The following SET variants were observed in gnomAD, a reference collection of about 807,000 sequenced individuals.
The protein encoded by SET is SET nuclear proto-oncogene.
Under a neutral mutation model 39.0 loss-of-function variants are expected in SET, and 4 were observed. The ratio of observed to expected loss-of-function variants is 0.10; its 90% confidence interval spans 0.05 to 0.23. The LOEUF (loss-of-function observed/expected upper bound fraction) is 0.23. Ranked by LOEUF, SET falls within the 10% of genes least tolerant of loss-of-function variation. The pLI is 1.00. For synonymous variants in SET, 114 were observed against 115.9 expected, an observed-to-expected ratio of 0.98 and a Z score of 0.11; for missense variants, 137 against 329.7, an observed-to-expected ratio of 0.42 and a Z score of 4.53.
rs745801658 is a variant in SET, at chr9:128,684,057, T to C, written c.112+50T>C. On this transcript the variant is annotated intron_variant, in intron 1 of 7. Coordinates refer to the SET transcript ENST00000372692. ...TGGAGATTTAAGGGATTTGCAAGGA[T>C]TGACTCTCTGATTTTTACCCCCCAA... 3 of 1,419,730 alleles carry C rather than the reference T, an allele frequency of 2.1e-6. No individual in the cohort carries two copies. In the Admixed American group the frequency reaches 6.0e-5, roughly 28 times the overall value. 87.9% of individuals were successfully genotyped at this position (1,419,730 alleles called of 1,614,324 possible).
At chr9:128,690,375 C>A (rs1268552405) in intron 1 of SET, 1 of 152,554 alleles carries the variant, frequency 6.6e-6, no homozygotes, top group East Asian at 1.9e-4. Flanking sequence ...GCTGCCAATC[C>A]GGGATGGTTA....
At position 128,695,023 on chromosome 9, in the gene SET, T is replaced by TA. The variant is rs1371126476; in HGVS notation, c.*360dup. The TA allele has an allele frequency of 4.1e-6, 1 of 242,508 alleles. No individual in the cohort carries two copies. The highest frequency in any genetic ancestry group is 8.0e-6 in the Non-Finnish European group (1 of 124,634). 15.0% of individuals were successfully genotyped at this position (242,508 alleles called of 1,614,324 possible). ...TGCTAGGCCCCTGTGTAGTAGTGCA[T>TA]AGAATTCTAGCTTTTTTCCTCCTTT... On this transcript the variant is annotated 3_prime_UTR_variant, in exon 8 of 8. Coordinates refer to ENST00000322030, the MANE Select transcript of SET (RefSeq NM_003011.4).
At position 128,693,986 on chromosome 9, in the gene SET, G is replaced by A. The variant is rs1236803513; in HGVS notation, c.754G>A (p.Gly252Arg). 2 of 1,558,684 alleles carry A rather than the reference G, an allele frequency of 1.3e-6. No homozygotes were observed. The highest frequency in any genetic ancestry group is 3.5e-5 in the Admixed American group (2 of 57,692). Residue 252 changes from glycine to arginine, a missense_variant, in exon 7 of 8, where the codon GGG becomes AGG. By Grantham distance (125) the Gly-to-Arg change is moderately radical (BLOSUM62 -2). Around this residue, in one of 3 missense-constraint regions of SET, gnomAD observed 44 missense variants for 63.0 expected, o/e 0.70. Coordinates refer to ENST00000322030, the MANE Select transcript of SET (RefSeq NM_003011.4). Reference sequence around the variant, plus strand: ...AGGATTAGAAGATATTGACGAAGAAGGGGATGAGGATGAAGGTGAAGAAGA... The same window carrying A: ...AGGATTAGAAGATATTGACGAAGAAAGGGATGAGGATGAAGGTGAAGAAGA... The part of the protein sequence containing the change: ...EEGLEDIDEE[G>R]DEDEGEEDED...
chr9:128,692,131 AAT>A, intron 3 of SET, 131 bp downstream of exon 3: 7 of 1,095,818 alleles, frequency 6.4e-6, no homozygotes, highest in Non-Finnish European at 9.2e-6. Context: ...GCGCACCTGT[AAT>A]CCCAGCACTT....
chr9:128,694,243 T>TGGGG (rs1564362340), intron 7 of SET, among the ~76,000 whole-genome samples: 18 of 151,720 alleles, frequency 1.2e-4, no homozygotes, highest in Middle Eastern at 3.4e-3. Flanking sequence ...TTTTTGGTTT[T>TGGGG]TTTTTGGGTT....
rs1861420107 is a variant in SET at position 128,689,521 on chromosome 9, C to A, written c.-62C>A. On this transcript the variant is annotated 5_prime_UTR_variant, in exon 1 of 8. Coordinates refer to ENST00000322030, the MANE Select transcript of SET (RefSeq NM_003011.4). Reference sequence around the variant, plus strand: ...GTGGCGTGAGGGGAAGCCGCTTGCCCGCCCCCTTCGCCTTCCCTTCTCTCC... The same window carrying A: ...GTGGCGTGAGGGGAAGCCGCTTGCCAGCCCCCTTCGCCTTCCCTTCTCTCC... 1.2e-6 allele frequency: 1 copy of A among 802,598 alleles called. No individual in the cohort carries two copies. Among genetic ancestry groups the A allele is most frequent in the South Asian group, 2.5e-5 (1 of 40,260 alleles). 49.7% of individuals were successfully genotyped at this position (802,598 alleles called of 1,614,324 possible).
At chr9:128,688,630 G>T (rs1312567861), upstream of SET, among the ~76,000 whole-genome samples, 2 of 152,210 alleles carry the variant, frequency 1.3e-5, no homozygotes, top group African/African-American at 2.4e-5. Flanking sequence ...GAGAGGAAGG[G>T]TGACTTGCTC....
At chr9:128,691,052 G>A (rs4837293) in intron 1 of SET, 118 bp from the exon 2 acceptor site, 789,216 of 792,536 alleles carry the variant, frequency 1, 393,029 homozygotes, top group East Asian at 1. Flanking sequence ...TGGAACGCTT[G>A]CCTTTGTACT....
chr9:128,686,035 A>C (rs930937744), upstream of SET, among the ~76,000 whole-genome samples: 2 of 151,886 alleles, frequency 1.3e-5, no homozygotes, highest in African/African-American at 4.8e-5. Flanking sequence ...ACAACAAAAA[A>C]AAAAACAACC....
At position 128,689,547 on chromosome 9, in the gene SET, C is replaced by A; in HGVS notation, c.-36C>A. The A allele has an allele frequency of 1.7e-6, 2 of 1,179,612 alleles. No homozygotes were observed. The highest frequency in any genetic ancestry group is 2.3e-6 in the Non-Finnish European group (2 of 887,228). 73.1% of individuals were successfully genotyped at this position (1,179,612 alleles called of 1,614,324 possible). A position where few individuals can be genotyped will look rare whatever the true frequency, so the allele number is the denominator to read the frequency against. On this transcript the variant is annotated 5_prime_UTR_variant, in exon 1 of 8. Coordinates refer to ENST00000322030, the MANE Select transcript of SET (RefSeq NM_003011.4). ...GCCCCCTTCGCCTTCCCTTCTCTCC[C>A]CCTCCCCGCTCCCCCCCCGACCGCG...
chr9:128,691,105 G>A (rs758061527), intron 1 of SET, 65 bp from the exon 2 acceptor site: 1 of 1,224,226 alleles, frequency 8.2e-7, no homozygotes, highest in Non-Finnish European at 1.2e-6. Flanking sequence ...GAATATTATA[G>A]TATTAACATC....
At chr9:128,693,604 G>A (rs1589461667) in intron 5 of SET, 34 bp from the exon 6 acceptor site, 7 of 1,564,608 alleles carry the variant, frequency 4.5e-6, no homozygotes, top group Non-Finnish European at 6.1e-6. Context: ...GTTATGGAGA[G>A]ATTGTATCAA....
chr9:128,692,090 T>G (rs141161412), intron 3 of SET, 90 bp downstream of exon 3: 23,208 of 1,484,842 alleles, frequency 0.016, 330 homozygotes, highest in South Asian at 0.059. Context: ...CATGCTGGGT[T>G]GCGTGCAACA....
chr9:128,690,879 G>A (rs1861506601), intron 1 of SET, among the ~76,000 whole-genome samples: 1 of 152,196 alleles, frequency 6.6e-6, no homozygotes, highest in African/African-American at 2.4e-5. Flanking sequence ...AGGTTATTCT[G>A]TGTCTTTCAT....
Position 128,689,411 on chromosome 9 carries a change from G to A in SET, c.-172G>A. ...CCCGTCCCTCGGCGTCAGGCCGCGA[G>A]GGTAGCGCGCGCGAGCGAGCGAGGG... is the stretch of plus-strand genomic sequence containing the variant. On this transcript the variant is annotated 5_prime_UTR_variant, in exon 1 of 8. Transcript: ENST00000322030. 1.2e-6 allele frequency: 1 copy of A among 840,218 alleles called. No individual in the cohort carries two copies. Among genetic ancestry groups the A allele is most frequent in the Non-Finnish European group, 1.5e-6 (1 of 663,240 alleles). 52.0% of individuals were successfully genotyped at this position (840,218 alleles called of 1,614,324 possible).
At chr9:128,690,365 G>C (rs533116003) in intron 1 of SET, 52 of 152,730 alleles carry the variant, frequency 3.4e-4, no homozygotes, top group African/African-American at 1.0e-3. Context: ...CGGCAGGGGG[G>C]CTGCCAATCC....
In SET at chr9:128,696,160, G is replaced by T. The variant is rs1185747416; in HGVS notation, c.*1496G>T. On this transcript the variant is annotated 3_prime_UTR_variant, in exon 8 of 8. Transcript: ENST00000322030. ...CTTTTTAATGCTGTAAAATATAGTC[G>T]CTGAAATTAAATGCCACTTTTTCAG... is the stretch of plus-strand genomic sequence containing the variant. The T allele has an allele frequency of 1.4e-5, 3 of 213,832 alleles. No individual in the cohort carries two copies. Among genetic ancestry groups the T allele is most frequent in the Non-Finnish European group, 2.9e-5 (3 of 104,436 alleles). 13.2% of individuals were successfully genotyped at this position (213,832 alleles called of 1,614,324 possible).
chr9:128,691,742 A>G (rs144007081), intron 2 of SET, 116 bp from the exon 3 acceptor site: 7 of 991,582 alleles, frequency 7.1e-6, no homozygotes, highest in African/African-American at 1.6e-5. Context: ...AATGGTTATT[A>G]TAATTTGGTT....
intron 1 of SET, chr9:128,690,688 T>G (rs41275904): frequency 5.8e-6 from 1 of 172,140 alleles, no homozygotes; most frequent in Non-Finnish European, 1.2e-5. Context: ...GTGCCTGGTA[T>G]CTTCATCGTA....
Sources: gnomAD v4.1 joint callset for allele counts (sites outside exome capture counted in the v4.1 genomes callset) on GRCh38, gnomAD v4.1.1 for gene constraint, gnomAD v4.1.1 regional missense constraint, MANE v1.5 for transcripts, NCBI Gene and HGNC (gene_info 2026-07-23, HGNC 2026-07-21) for gene names.